NTN1: variants seen among roughly 807,000 people sequenced by gnomAD.
NTN1 encodes netrin-1.
Under a neutral mutation model 54.2 loss-of-function variants are expected in NTN1, and 11 were observed. That is an observed-to-expected ratio of 0.20 (90% CI 0.13 to 0.34). The LOEUF is 0.34. Ranked by LOEUF, NTN1 falls within the 10% of genes least tolerant of loss-of-function variation. The pLI, the probability that NTN1 is intolerant of heterozygous loss-of-function variation, is 1.00. For synonymous variants in NTN1, 371 were observed against 382.0 expected, an observed-to-expected ratio of 0.97 and a Z score of 0.33; for missense variants, 740 against 893.1, an observed-to-expected ratio of 0.83 and a Z score of 2.18.
At chr17:9,043,589 T>C (rs75364521) in intron 2 of NTN1, among the ~76,000 whole-genome samples, 1 of 151,906 alleles carries the variant, frequency 6.6e-6, no homozygotes, top group South Asian at 2.1e-4. Flanking sequence ...TTTTTTTTTT[T>C]GGTTGAGATG....
intron 2 of NTN1, among the ~76,000 whole-genome samples, chr17:9,097,648 A>C (rs1261518952): frequency 1.3e-5 from 2 of 152,072 alleles, no homozygotes; most frequent in Non-Finnish European, 2.9e-5. Context: ...AAAAACAAAA[A>C]AACCCCAAAC....
chr17:9,143,084 C>T (rs991402635), intron 2 of NTN1, among the ~76,000 whole-genome samples: 33 of 152,148 alleles, frequency 2.2e-4, no homozygotes, highest in African/African-American at 8.0e-4. Flanking sequence ...GGATGAAGGG[C>T]AGCCGTCTGG....
At chr17:9,011,504 G>A in the NTN1 span, among the ~76,000 whole-genome samples, 17 of 152,146 alleles carry the variant, frequency 1.1e-4, no homozygotes, top group African/African-American at 4.1e-4. Context: ...TCCATCTCAA[G>A]ACCCTTAATC....
chr17:9,073,407 G>A (rs1199414738), intron 2 of NTN1, among the ~76,000 whole-genome samples: 3 of 152,222 alleles, frequency 2.0e-5, no homozygotes, highest in African/African-American at 7.2e-5. Context: ...AGTTCATTGA[G>A]TCAGGGCACA....
chr17:9,031,214 G>A (rs1434238059), intron 2 of NTN1, among the ~76,000 whole-genome samples: 1 of 152,178 alleles, frequency 6.6e-6, no homozygotes, highest in Non-Finnish European at 1.5e-5. Context: ...AAATGAGGTA[G>A]ATCTCTGAGT....
chr17:9,078,570 T>A (rs561901138), intron 2 of NTN1, among the ~76,000 whole-genome samples: 81 of 152,340 alleles, frequency 5.3e-4, no homozygotes, highest in Admixed American at 3.3e-4. Context: ...TGTTCTTAGA[T>A]CTTCTTTATG....
Position 9,182,934 on chromosome 17 carries a change from C to T in NTN1, c.1376C>T (p.Pro459Leu), listed in dbSNP as rs370320158. 3.2e-5 allele frequency: 51 copies of T among 1,613,986 alleles called. No individual in the cohort carries two copies. The highest frequency in any genetic ancestry group is 4.2e-5 in the Non-Finnish European group (49 of 1,180,026). The change falls in exon 5 of 7, where the codon CCG becomes CTG. Residue 459 changes from proline to leucine, a missense_variant. Physicochemically the swap from Pro to Leu is moderately conservative, Grantham distance 98. Transcript: ENST00000173229. ...APCIKIPVAPPTTAASSVEEP... is the reference protein window; with the variant it reads ...APCIKIPVAPLTTAASSVEEP... ...CACAAAGAGATCCCTGTAGCGCCGCCGACGACTGCAGCCAGCAGCGTGGAG... is the reference window on the plus strand; with the variant it reads ...CACAAAGAGATCCCTGTAGCGCCGCTGACGACTGCAGCCAGCAGCGTGGAG...
At chr17:9,206,096 T>C (rs1032080824) in intron 5 of NTN1, among the ~76,000 whole-genome samples, 19 of 152,068 alleles carry the variant, frequency 1.2e-4, no homozygotes, top group African/African-American at 4.3e-4. Flanking sequence ...GACTTCGCGG[T>C]AGAAGCAATT....
At chr17:9,004,976 C>T in the NTN1 span, among the ~76,000 whole-genome samples, 2 of 152,166 alleles carry the variant, frequency 1.3e-5, no homozygotes, top group African/African-American at 4.8e-5. Context: ...GAAGTCATCC[C>T]TCCCCTCTGT....
At chr17:9,012,034 T>C in the NTN1 span, among the ~76,000 whole-genome samples, 4 of 152,332 alleles carry the variant, frequency 2.6e-5, no homozygotes, top group South Asian at 2.1e-4. Flanking sequence ...GGGAAAAGAA[T>C]AGTTCCTTCC....
At chr17:9,155,149 C>T (rs940271108) in intron 2 of NTN1, among the ~76,000 whole-genome samples, 3 of 152,186 alleles carry the variant, frequency 2.0e-5, no homozygotes, top group African/African-American at 7.2e-5. Flanking sequence ...GTCTTGACAG[C>T]TCTGGTCACC....
At chr17:9,092,410 C>A (rs189584916) in intron 2 of NTN1, among the ~76,000 whole-genome samples, 166 of 149,562 alleles carry the variant, frequency 1.1e-3, no homozygotes, top group African/African-American at 3.8e-3. Context: ...GTCTCAGCCT[C>A]CCGAGTAGCT....
chr17:9,045,862 G>A (rs1210575909), intron 2 of NTN1, among the ~76,000 whole-genome samples: 5 of 152,084 alleles, frequency 3.3e-5, no homozygotes, highest in Non-Finnish European at 5.9e-5. Flanking sequence ...ATGAAAAAGA[G>A]ACATAACTAG....
Position 9,180,071 on chromosome 17 carries a change from C to T in NTN1, c.1357+115C>T, listed in dbSNP as rs558239014. Reference sequence around the variant, plus strand: ...TCCTTTTTTGGTTGGTTGAGTCTCACTGTGTCGCCCAGGCTGGAGTGCAGT... The same window carrying T: ...TCCTTTTTTGGTTGGTTGAGTCTCATTGTGTCGCCCAGGCTGGAGTGCAGT... On this transcript the variant is annotated intron_variant, in intron 4 of 6. Transcript: ENST00000173229. 325 of 1,199,174 alleles carry T rather than the reference C, an allele frequency of 2.7e-4. No individual in the cohort carries two copies. In the African/African-American group the frequency reaches 4.3e-3, roughly 16 times the overall value. The allele number at this position is 1,199,174 out of a possible 1,614,324, so 74.3% of individuals were successfully genotyped here. A position where few individuals can be genotyped will look rare whatever the true frequency, so the allele number is the denominator to read the frequency against.
Position 9,080,927 on chromosome 17 carries a change from C to T in NTN1, c.1018+57536C>T, listed in dbSNP as rs114686582. Among the ~76,000 whole-genome samples the T allele has an allele frequency of 6.8e-3, 1,035 of 152,292 alleles. 10 individuals are homozygous for T. The highest frequency in any genetic ancestry group is 0.024 in the African/African-American group (991 of 41,556). On this transcript the variant is annotated intron_variant, in intron 2 of 6. Transcript: ENST00000173229. ...TGTCTCACCCTATGTATCTCTTCAC[C>T]TGTATTCTCTGTAATATCCTTTATA...
intron 6 of NTN1, among the ~76,000 whole-genome samples, chr17:9,224,829 T>C (rs4357981): frequency 0.45 from 68,651 of 151,818 alleles, 15,684 homozygotes; most frequent in East Asian, 0.63. Context: ...GGATCCCCCC[T>C]GGGAGCTGAT....
intron 6 of NTN1, among the ~76,000 whole-genome samples, chr17:9,234,706 C>T (rs935902146): frequency 2.0e-5 from 3 of 152,172 alleles, no homozygotes; most frequent in East Asian, 1.9e-4. Flanking sequence ...CAGCAAGGCT[C>T]GAGGAAGGGA....
At chr17:9,036,909 C>T (rs2091905402) in intron 2 of NTN1, among the ~76,000 whole-genome samples, 2 of 152,206 alleles carry the variant, frequency 1.3e-5, no homozygotes, top group African/African-American at 4.8e-5. Flanking sequence ...TACCCTCCAA[C>T]CCTACTGACA....
At chr17:9,200,353 C>T (rs574693075) in intron 5 of NTN1, among the ~76,000 whole-genome samples, 10 of 152,214 alleles carry the variant, frequency 6.6e-5, no homozygotes, top group Admixed American at 1.3e-4. Context: ...ATGAATGCAG[C>T]GCCCGAATGG....
Sources: allele counts gnomAD v4.1 joint callset (sites outside exome capture counted in the v4.1 genomes callset), GRCh38; gene constraint gnomAD v4.1.1; transcripts MANE v1.5; gene names NCBI Gene and HGNC (gene_info 2026-07-23, HGNC 2026-07-21).